Variants in GPM6A observed in about 807,000 individuals in gnomAD.
GPM6A encodes the protein glycoprotein M6A.
In GPM6A, 7 loss-of-function variants were observed where a neutral mutation model predicts 32.1. The ratio of observed to expected loss-of-function variants is 0.22; its 90% confidence interval spans 0.12 to 0.41. The LOEUF is 0.41. GPM6A is among the 10% of genes least tolerant of loss of function. GPM6A has a pLI of 1.00. For missense variants in GPM6A, 235 were observed against 347.2 expected (o/e 0.68, Z 2.57); for synonymous variants, 130 against 123.4 (o/e 1.05, Z -0.35).
upstream of GPM6A, among the ~76,000 whole-genome samples, chr4:175,816,447 C>G (rs142201930): frequency 5.3e-5 from 8 of 152,188 alleles, no homozygotes; most frequent in East Asian, 1.5e-3. Context: ...AAGTAAATAT[C>G]GACATATTCC....
At chr4:175,993,134 G>A (rs1382396497) in intron 1 of GPM6A, among the ~76,000 whole-genome samples, 3 of 141,712 alleles carry the variant, frequency 2.1e-5, no homozygotes, top group Non-Finnish European at 4.6e-5. Flanking sequence ...CTCCTTTCCT[G>A]TTTCCCTCCC....
chr4:175,854,330 T>C (rs1175334485), intron 1 of GPM6A, among the ~76,000 whole-genome samples: 3 of 152,178 alleles, frequency 2.0e-5, no homozygotes, highest in African/African-American at 4.8e-5. Flanking sequence ...CAGAGTCTGT[T>C]TCATCAAGAA....
chr4:175,787,533 G>T, intron 1 of GPM6A: 1 of 1,429,836 alleles, frequency 7.0e-7, no homozygotes, highest in Non-Finnish European at 9.1e-7. Context: ...GATTTCATCA[G>T]TATCAACATC....
intron 3 of GPM6A, among the ~76,000 whole-genome samples, chr4:175,668,103 C>A (rs1206768521): frequency 1.3e-5 from 2 of 152,032 alleles, no homozygotes; most frequent in Admixed American, 6.5e-5. Flanking sequence ...CAGAAAATTT[C>A]TTTCAACTTT....
chr4:175,709,642 C>T lies in GPM6A; in HGVS notation c.38-7875G>A, dbSNP rs568225025. On this transcript the variant is annotated intron_variant, in intron 1 of 6. Coordinates refer to ENST00000393658, the MANE Select transcript of GPM6A (RefSeq NM_201591.3). ...ACTCAGGAGGCTGAGGCAGGAGAAT[C>T]GCTTGAACCCGGGAGGTGGAAGTTT... is the stretch of plus-strand genomic sequence containing the variant. 5.3e-5 allele frequency among the ~76,000 whole-genome samples: 8 copies of T among 150,004 alleles called. No individual in the cohort carries two copies. In the East Asian group the frequency reaches 8.0e-4, roughly 15 times the overall value.
At chr4:175,722,117 A>G (rs1289947286) in intron 1 of GPM6A, among the ~76,000 whole-genome samples, 1 of 152,014 alleles carries the variant, frequency 6.6e-6, no homozygotes, top group Non-Finnish European at 1.5e-5. Flanking sequence ...TAAGACCCCA[A>G]TTTTACAAAA....
chr4:175,794,226 G>A (rs781085372), intron 1 of GPM6A, among the ~76,000 whole-genome samples: 45 of 152,204 alleles, frequency 3.0e-4, no homozygotes, highest in Middle Eastern at 3.4e-3. Context: ...TATTTGTATA[G>A]TTATTGTGAG....
chr4:175,811,814 C>A, intron 1 of GPM6A: 1 of 162,094 alleles, frequency 6.2e-6, no homozygotes, highest in Non-Finnish European at 1.3e-5. Context: ...GTTCCATCAC[C>A]AAATTTTTAA....
intron 1 of GPM6A, among the ~76,000 whole-genome samples, chr4:175,776,677 C>A (rs374766880): frequency 6.6e-6 from 1 of 152,080 alleles, no homozygotes; most frequent in Non-Finnish European, 1.5e-5. Flanking sequence ...TTTTTCCTAG[C>A]GACGTTTTAA....
At chr4:175,884,854 G>A (rs1367500294) in intron 1 of GPM6A, among the ~76,000 whole-genome samples, 3 of 152,130 alleles carry the variant, frequency 2.0e-5, no homozygotes, top group Admixed American at 2.0e-4. Flanking sequence ...ATCTCTAAAT[G>A]AAATATTTCT....
chr4:175,640,277 A>G, intron 5 of GPM6A, 83 bp from the exon 6 acceptor site: 8 of 1,059,480 alleles, frequency 7.6e-6, no homozygotes, highest in Non-Finnish European at 1.2e-5. Context: ...CTTATAAACA[A>G]GACTTTGTAC....
intron 1 of GPM6A, among the ~76,000 whole-genome samples, chr4:175,731,966 A>T (rs1325885654): frequency 1.5e-3 from 190 of 123,584 alleles, no homozygotes; most frequent in African/African-American, 1.8e-3. Flanking sequence ...TCCTCACTTC[A>T]TTTTTTTTTT....
chr4:175,899,666 G>A (rs967347289), intron 1 of GPM6A, among the ~76,000 whole-genome samples: 10 of 151,952 alleles, frequency 6.6e-5, no homozygotes, highest in East Asian at 1.9e-4. Context: ...TTGGATATGC[G>A]TATGCAGAAG....
chr4:175,786,197 C>T (rs1418072124), intron 1 of GPM6A, among the ~76,000 whole-genome samples: 1 of 151,788 alleles, frequency 6.6e-6, no homozygotes, highest in Non-Finnish European at 1.5e-5. Context: ...ATTACTGGGA[C>T]ACTACAAACA....
At chr4:175,924,539 C>T (rs1050414858) in intron 1 of GPM6A, among the ~76,000 whole-genome samples, 2 of 151,998 alleles carry the variant, frequency 1.3e-5, no homozygotes, top group South Asian at 2.1e-4. Flanking sequence ...TGCCTGAGAA[C>T]GAATCAAGAG....
chr4:175,882,435 T>C (rs1384424212), intron 1 of GPM6A, among the ~76,000 whole-genome samples: 3 of 152,142 alleles, frequency 2.0e-5, no homozygotes, highest in African/African-American at 7.2e-5. Context: ...TATTTCCTAC[T>C]AAATAAAAAT....
intron 1 of GPM6A, among the ~76,000 whole-genome samples, chr4:175,871,411 A>G (rs1301134334): frequency 6.6e-6 from 1 of 152,132 alleles, no homozygotes; most frequent in East Asian, 1.9e-4. Context: ...CGGAGGTTGC[A>G]GTGATCCGAG....
chr4:175,917,569 A>T (rs1342084134), intron 1 of GPM6A, among the ~76,000 whole-genome samples: 1 of 152,228 alleles, frequency 6.6e-6, no homozygotes, highest in African/African-American at 2.4e-5. Context: ...GTACGTTACC[A>T]TAGTAGTGTG....
chr4:175,684,202 A>T (rs1220036978), intron 2 of GPM6A, among the ~76,000 whole-genome samples: 1 of 152,202 alleles, frequency 6.6e-6, no homozygotes, highest in African/African-American at 2.4e-5. Context: ...GGGCTAAGAC[A>T]CAAGTGACAG....
Sources: allele counts gnomAD v4.1 joint callset (sites outside exome capture counted in the v4.1 genomes callset), GRCh38; gene constraint gnomAD v4.1.1; transcripts MANE v1.5; gene names NCBI Gene and HGNC (gene_info 2026-07-23, HGNC 2026-07-21).